GRID2: variants seen among roughly 807,000 people sequenced by gnomAD.
The protein encoded by GRID2 is glutamate receptor ionotropic, delta-2.
Under a neutral mutation model 114.8 loss-of-function variants are expected in GRID2, and 33 were observed. That is an observed-to-expected ratio of 0.29 (90% CI 0.22 to 0.38). The LOEUF is 0.38. Among genes scored for constraint, GRID2 ranks in the 10% least tolerant of loss-of-function variants. The pLI is 1.00. For missense variants in GRID2, 1,184 were observed against 1,257.7 expected (o/e 0.94, Z 0.89); for synonymous variants, 505 against 449.9 (o/e 1.12, Z -1.55).
At chr4:92,768,654 A>C (rs1738384783) in intron 2 of GRID2, among the ~76,000 whole-genome samples, 1 of 152,212 alleles carries the variant, frequency 6.6e-6, no homozygotes, top group South Asian at 2.1e-4. Flanking sequence ...GGGAGGCCTC[A>C]CAATCATGGC....
intron 1 of GRID2, among the ~76,000 whole-genome samples, chr4:92,392,717 T>C (rs970796685): frequency 2.6e-5 from 4 of 152,120 alleles, no homozygotes; most frequent in Non-Finnish European, 5.9e-5. Context: ...ATTTAAACTT[T>C]AGACATCATT....
intron 8 of GRID2, among the ~76,000 whole-genome samples, chr4:93,245,302 G>A (rs114396132): frequency 0.014 from 2,167 of 152,166 alleles, 48 homozygotes; most frequent in African/African-American, 0.047. Context: ...AAGTTTAGCA[G>A]CCTTGTTTTT....
chr4:92,681,346 C>T (rs989387007), intron 2 of GRID2, among the ~76,000 whole-genome samples: 1 of 152,094 alleles, frequency 6.6e-6, no homozygotes. Flanking sequence ...AACCTATGCA[C>T]TGTTCAAAAC....
At chr4:92,746,327 T>C (rs1290985262) in intron 2 of GRID2, among the ~76,000 whole-genome samples, 3 of 152,136 alleles carry the variant, frequency 2.0e-5, no homozygotes, top group Admixed American at 6.5e-5. Context: ...AATATATTTA[T>C]TGTGACAGTT....
At chr4:93,256,187 C>G (rs1749561163) in intron 8 of GRID2, among the ~76,000 whole-genome samples, 1 of 151,878 alleles carries the variant, frequency 6.6e-6, no homozygotes, top group East Asian at 1.9e-4. Context: ...AAGTAATATT[C>G]CCGTTCATTT....
intron 12 of GRID2, among the ~76,000 whole-genome samples, chr4:93,501,674 T>G (rs1728121261): frequency 6.6e-6 from 1 of 152,076 alleles, no homozygotes; most frequent in African/African-American, 2.4e-5. Context: ...GAGCATTTAA[T>G]TAAAAGTTGT....
At chr4:92,512,878 T>G (rs1362569964) in intron 1 of GRID2, among the ~76,000 whole-genome samples, 2 of 151,894 alleles carry the variant, frequency 1.3e-5, no homozygotes, top group Non-Finnish European at 2.9e-5. Flanking sequence ...CTGTAATATT[T>G]TTGAAAAAGT....
At chr4:92,751,387 A>G (rs1737449079) in intron 2 of GRID2, among the ~76,000 whole-genome samples, 1 of 152,206 alleles carries the variant, frequency 6.6e-6, no homozygotes, top group Non-Finnish European at 1.5e-5. Context: ...ACACATTTAA[A>G]ATGAAAGTAT....
At chr4:92,535,246 A>G (rs1579534697) in intron 1 of GRID2, among the ~76,000 whole-genome samples, 1 of 152,190 alleles carries the variant, frequency 6.6e-6, no homozygotes, top group Middle Eastern at 3.4e-3. Flanking sequence ...TTTATAATTA[A>G]GTAATTAAAT....
intron 2 of GRID2, among the ~76,000 whole-genome samples, chr4:92,900,727 C>G (rs1013139307): frequency 6.7e-6 from 1 of 149,760 alleles, no homozygotes; most frequent in Non-Finnish European, 1.5e-5. Context: ...CCAGCTACGC[C>G]GGAGGCTGAG....
intron 14 of GRID2, among the ~76,000 whole-genome samples, chr4:93,683,948 C>T (rs1369097839): frequency 1.3e-5 from 2 of 151,996 alleles, no homozygotes; most frequent in South Asian, 4.2e-4. Context: ...GTATAGGGAC[C>T]ACTGCAATGG....
intron 12 of GRID2, among the ~76,000 whole-genome samples, chr4:93,493,822 G>A (rs921119620): frequency 1.3e-4 from 19 of 151,850 alleles, no homozygotes; most frequent in Admixed American, 9.9e-4. Context: ...ACTGCCCAAA[G>A]TAACTTTGCA....
At chr4:93,791,550 T>A (rs1734695027) in intron 1 of GRID2, among the ~76,000 whole-genome samples, 1 of 152,184 alleles carries the variant, frequency 6.6e-6, no homozygotes, top group Non-Finnish European at 1.5e-5. Flanking sequence ...TTTAAGGAGA[T>A]TTTCATTTTT....
At chr4:93,201,166 A>G (rs1742068378) in intron 4 of GRID2, among the ~76,000 whole-genome samples, 1 of 152,286 alleles carries the variant, frequency 6.6e-6, no homozygotes, top group East Asian at 1.9e-4. Flanking sequence ...ATATATTAAT[A>G]TGATTTTTAT....
At chr4:93,595,312 A>G (rs1738963074) in intron 13 of GRID2, among the ~76,000 whole-genome samples, 1 of 152,180 alleles carries the variant, frequency 6.6e-6, no homozygotes, top group South Asian at 2.1e-4. Flanking sequence ...TTAACATTTC[A>G]TAATTGTGTG....
In GRID2 at chr4:93,602,719, A is replaced by G. The variant is rs1739815907; in HGVS notation, c.2194-23550A>G. On this transcript the variant is annotated intron_variant, in intron 13 of 15. Transcript: ENST00000282020. Reference sequence around the variant, plus strand: ...ATCCCTGAGACATAGCAATTTTGAAATTAGGCCAATTAATAACCTACAATG... The same window carrying G: ...ATCCCTGAGACATAGCAATTTTGAAGTTAGGCCAATTAATAACCTACAATG... Among the ~76,000 whole-genome samples, 4 of 152,344 alleles carry G rather than the reference A, an allele frequency of 2.6e-5. No homozygotes were observed. In the South Asian group the frequency reaches 8.3e-4, roughly 32 times the overall value.
At chr4:93,751,414 G>T (rs2110283858) in intron 14 of GRID2, among the ~76,000 whole-genome samples, 1 of 151,640 alleles carries the variant, frequency 6.6e-6, no homozygotes, top group East Asian at 1.9e-4. Flanking sequence ...CTTGGTGAGT[G>T]AACTCTTTTA....
At chr4:93,099,080 G>T (rs567757724) in intron 3 of GRID2, among the ~76,000 whole-genome samples, 77 of 143,914 alleles carry the variant, frequency 5.4e-4, no homozygotes, top group African/African-American at 2.0e-3. Flanking sequence ...ATGTTGTTTG[G>T]GTCCTTTTCC....
intron 1 of GRID2, among the ~76,000 whole-genome samples, chr4:92,478,527 G>A (rs1722427033): frequency 6.6e-6 from 1 of 152,038 alleles, no homozygotes; most frequent in African/African-American, 2.4e-5. Context: ...CTGTGAAGCT[G>A]TATGCTCATA....
Sources: gnomAD v4.1 joint callset for allele counts (sites outside exome capture counted in the v4.1 genomes callset) on GRCh38, gnomAD v4.1.1 for gene constraint, MANE v1.5 for transcripts, NCBI Gene and HGNC (gene_info 2026-07-23, HGNC 2026-07-21) for gene names.